Variants in CCDC30 observed in about 807,000 individuals in gnomAD.
CCDC30 encodes the protein coiled-coil domain-containing protein 30.
CCDC30 carries 70 observed loss-of-function variants against 100.2 expected under a neutral mutation model. The ratio of observed to expected loss-of-function variants is 0.70; its 90% CI spans 0.58 to 0.85. CCDC30 has a LOEUF of 0.85. Among genes scored for constraint, CCDC30 ranks in the 40% least tolerant of loss-of-function variants. The pLI, the probability that CCDC30 is intolerant of heterozygous loss-of-function variation, is 0.00. For synonymous variants in CCDC30, 233 were observed against 269.5 expected (o/e 0.86, Z 1.33); for missense variants, 652 against 771.2 (o/e 0.85, Z 1.83).
rs952385649 is a variant in CCDC30, at chr1:42,542,700, G to A, written c.457-23596G>A. 6.5e-5 allele frequency: 9 copies of A among 139,506 alleles called. 1 individual carries two copies. The highest frequency in any genetic ancestry group is 5.2e-5 in the African/African-American group (2 of 38,742). 8.6% of individuals were successfully genotyped at this position (139,506 alleles called of 1,614,324 possible). On this transcript the variant is annotated intron_variant, in intron 6 of 16. Coordinates refer to ENST00000668663, the Ensembl canonical transcript of CCDC30. The stretch of plus-strand genomic sequence containing the variant: ...CGAGTAGCTGGGACTACAGGCGCCC[G>A]CCACCGCGCCCGGCTAATTTTTTTT...
rs567647947 is a variant in CCDC30, at chr1:42,485,012, A to C, written c.169+2196A>C. On this transcript the variant is annotated intron_variant, in intron 3 of 16. Coordinates refer to ENST00000668663, the Ensembl canonical transcript of CCDC30. The stretch of plus-strand genomic sequence containing the variant: ...TGAAATTTGAACACTTGCTAGACAT[A>C]TGAGTTAAAGAATTATTGTTAAATT... Among the ~76,000 whole-genome samples the C allele has an allele frequency of 3.9e-5, 6 of 152,276 alleles. No homozygotes were observed. In the South Asian group the frequency reaches 1.0e-3, roughly 26 times the overall value.
chr1:42,501,655 G>A, intron 6 of CCDC30, among the ~76,000 whole-genome samples: 1 of 152,188 alleles, frequency 6.6e-6, no homozygotes, highest in East Asian at 1.9e-4. Context: ...CTTTCTGTTT[G>A]TTAGTTTTCC....
chr1:42,551,512 T>C (rs1645251277), intron 6 of CCDC30, among the ~76,000 whole-genome samples: 1 of 152,150 alleles, frequency 6.6e-6, no homozygotes, highest in South Asian at 2.1e-4. Context: ...TTCCGGTTTT[T>C]AAGATGCAGA....
chr1:42,500,187 T>C, intron 6 of CCDC30: 5 of 1,495,540 alleles, frequency 3.3e-6, no homozygotes, highest in African/African-American at 2.8e-5. Flanking sequence ...ACAGTGCATA[T>C]TGGCGGTGCA....
intron 8 of CCDC30, chr1:42,580,686 T>C: frequency 3.8e-6 from 1 of 262,136 alleles, no homozygotes; most frequent in Admixed American, 4.9e-5. Context: ...AAATCTGTCA[T>C]ATAAACTCTA....
chr1:42,542,539 CTTTTTT>C (rs58751072), intron 6 of CCDC30, among the ~76,000 whole-genome samples: 6 of 75,576 alleles, frequency 7.9e-5, no homozygotes, highest in East Asian at 6.6e-4. Flanking sequence ...TTAAATTTTT[CTTTTTT>C]TTTTTTTTTT....
At chr1:42,623,683 T>C (rs918699297) in intron 11 of CCDC30, among the ~76,000 whole-genome samples, 1 of 152,230 alleles carries the variant, frequency 6.6e-6, no homozygotes, top group Non-Finnish European at 1.5e-5. Flanking sequence ...TCCAGTTTTG[T>C]TCTTTATGCT....
intron 10 of CCDC30, 104 bp downstream of exon 14, chr1:42,589,587 G>A: frequency 1.0e-6 from 1 of 998,632 alleles, no homozygotes; most frequent in South Asian, 1.6e-5. Context: ...CCTTTAGTCA[G>A]GGTTCAGTCA....
intron 11 of CCDC30, among the ~76,000 whole-genome samples, chr1:42,613,050 A>G (rs979138807): frequency 1.3e-5 from 2 of 152,204 alleles, no homozygotes; most frequent in Non-Finnish European, 2.9e-5. Context: ...AGACCCCAAC[A>G]GAGGGTTCTT....
intron 6 of CCDC30, chr1:42,536,480 T>C (rs1644906676): frequency 1.9e-6 from 3 of 1,601,328 alleles, no homozygotes; most frequent in Admixed American, 3.4e-5. Context: ...TTACAGATCC[T>C]GAAAATGAGC....
At chr1:42,466,955 T>C (rs918281398) in intron 1 of CCDC30, among the ~76,000 whole-genome samples, 1 of 152,230 alleles carries the variant, frequency 6.6e-6, no homozygotes, top group African/African-American at 2.4e-5. Flanking sequence ...TCTAGTTTAC[T>C]AGAATTTAAA....
intron 11 of CCDC30, among the ~76,000 whole-genome samples, chr1:42,620,266 A>G (rs1353510622): frequency 6.6e-6 from 1 of 152,256 alleles, no homozygotes; most frequent in Admixed American, 6.5e-5. Context: ...AGAGAGGAGT[A>G]GAAAAGAACT....
chr1:42,632,946 A>G (rs1358383121), intron 11 of CCDC30, among the ~76,000 whole-genome samples: 1 of 151,828 alleles, frequency 6.6e-6, no homozygotes, highest in Admixed American at 6.5e-5. Flanking sequence ...AGTAGCTGGG[A>G]TTACAGATGT....
chr1:42,474,579 C>T (rs1303007008), intron 1 of CCDC30, among the ~76,000 whole-genome samples: 2 of 152,184 alleles, frequency 1.3e-5, no homozygotes, highest in Admixed American at 6.5e-5. Context: ...TATAGGCTTC[C>T]AAAGAATTCA....
chr1:42,498,039 G>C (rs1358323202), intron 5 of CCDC30, among the ~76,000 whole-genome samples: 1 of 152,160 alleles, frequency 6.6e-6, no homozygotes, highest in Non-Finnish European at 1.5e-5. Context: ...CTCGTTGATA[G>C]AGGAACAGAT....
intron 4 of CCDC30, among the ~76,000 whole-genome samples, chr1:42,495,438 A>G (rs1320456641): frequency 2.0e-5 from 3 of 152,042 alleles, no homozygotes; most frequent in Admixed American, 2.0e-4. Context: ...GCACACCAGC[A>G]TGTCACATGT....
chr1:42,630,328 T>G (rs1342690181), intron 11 of CCDC30, among the ~76,000 whole-genome samples: 7 of 152,124 alleles, frequency 4.6e-5, no homozygotes, highest in African/African-American at 1.7e-4. Flanking sequence ...CTTCATTCTT[T>G]TTTATTCCTT....
At chr1:42,570,206 A>G (rs1367372944) in intron 7 of CCDC30, among the ~76,000 whole-genome samples, 1 of 152,060 alleles carries the variant, frequency 6.6e-6, no homozygotes, top group Non-Finnish European at 1.5e-5. Context: ...CAAGCCTACA[A>G]TCCTAGGGCT....
intron 10 of CCDC30, among the ~76,000 whole-genome samples, chr1:42,603,529 A>G (rs1293571045): frequency 2.0e-5 from 3 of 152,256 alleles, no homozygotes; most frequent in Admixed American, 6.5e-5. Flanking sequence ...GGAAACTTCC[A>G]CATCATGTGT....
Sources: allele counts gnomAD v4.1 joint callset (sites outside exome capture counted in the v4.1 genomes callset), GRCh38; gene constraint gnomAD v4.1.1; transcripts MANE v1.5; gene names NCBI Gene and HGNC (gene_info 2026-07-23, HGNC 2026-07-21).